METTL15: variants seen among roughly 807,000 people sequenced by gnomAD.
METTL15 encodes the protein 12S rRNA N(4)-cytidine methyltransferase METTL15.
Under a neutral mutation model 38.3 loss-of-function variants are expected in METTL15, and 34 were observed. That is an observed-to-expected ratio of 0.89 (90% confidence interval 0.68 to 1.18). The LOEUF is 1.18. Ranked by LOEUF, METTL15 falls within the 50% of genes most tolerant of loss-of-function variation. METTL15 has a pLI of 0.00. For synonymous variants in METTL15, 162 were observed against 170.9 expected (o/e 0.95, Z 0.41); for missense variants, 438 against 498.4 (o/e 0.88, Z 1.15).
chr11:28,234,082 A>G (rs568545314), intron 4 of METTL15, among the ~76,000 whole-genome samples: 9 of 151,298 alleles, frequency 5.9e-5, no homozygotes, highest in East Asian at 2.0e-4. Flanking sequence ...GCGATAGTTT[A>G]CTGAGAATGA....
intron 4 of METTL15, among the ~76,000 whole-genome samples, chr11:28,237,147 C>G (rs1854027906): frequency 6.6e-6 from 1 of 152,116 alleles, no homozygotes; most frequent in Admixed American, 6.5e-5. Flanking sequence ...GAATGTTGGC[C>G]TGCCTTGCTA....
chr11:28,380,377 C>G (rs1273420333), intron 5 of METTL15, among the ~76,000 whole-genome samples: 1 of 152,042 alleles, frequency 6.6e-6, no homozygotes, highest in East Asian at 1.9e-4. Context: ...ACCATGTTAG[C>G]AAAGATGGTC....
intron 5 of METTL15, among the ~76,000 whole-genome samples, chr11:28,412,942 T>A (rs991860168): frequency 6.6e-6 from 1 of 151,924 alleles, no homozygotes; most frequent in Non-Finnish European, 1.5e-5. Flanking sequence ...ATATATATAT[T>A]AATAGGCTTC....
intron 4 of METTL15, among the ~76,000 whole-genome samples, chr11:28,289,740 G>T (rs1565227261): frequency 6.6e-6 from 1 of 152,040 alleles, no homozygotes; most frequent in Non-Finnish European, 1.5e-5. Flanking sequence ...TAATTTATAG[G>T]AAAAACATGG....
At chr11:28,421,843 A>G (rs559069267) in intron 5 of METTL15, among the ~76,000 whole-genome samples, 42 of 152,070 alleles carry the variant, frequency 2.8e-4, no homozygotes, top group Admixed American at 3.9e-4. Flanking sequence ...AGCTAGATCA[A>G]TCAGACAAGA....
At chr11:28,124,507 A>G (rs1835120675) in intron 3 of METTL15, among the ~76,000 whole-genome samples, 1 of 152,108 alleles carries the variant, frequency 6.6e-6, no homozygotes. Context: ...TAATGACAGT[A>G]TCAGAAGATA....
rs113069188 is a variant in METTL15 at position 28,361,420 on chromosome 11, C to T, written c.*259-517C>T. Among the ~76,000 whole-genome samples, 1,519 of 152,228 alleles carry T rather than the reference C, an allele frequency of 1.0e-2. 16 individuals carry two copies. The highest frequency in any genetic ancestry group is 0.016 in the Non-Finnish European group (1,087 of 68,016). On this transcript the variant is annotated intron_variant and NMD_transcript_variant, in intron 4 of 7. Transcript: ENST00000532947. ...TTTCTCTGATGGCCTTAGAAAATAT[C>T]GCCAAACTGTCATTTCAGTTATTTG... is the stretch of plus-strand genomic sequence containing the variant.
chr11:28,487,394 C>T (rs920581945), intron 6 of METTL15, among the ~76,000 whole-genome samples: 1 of 151,896 alleles, frequency 6.6e-6, no homozygotes, highest in Non-Finnish European at 1.5e-5. Context: ...AATTGTTGAC[C>T]TAGAAAGATA....
intron 5 of METTL15, among the ~76,000 whole-genome samples, chr11:28,372,628 T>A (rs1035857774): frequency 1.3e-5 from 2 of 151,882 alleles, no homozygotes; most frequent in African/African-American, 4.8e-5. Flanking sequence ...TCCTTTTTTT[T>A]ATTATTATAC....
chr11:28,111,728 G>A (rs1393077456), intron 2 of METTL15, among the ~76,000 whole-genome samples: 4 of 152,184 alleles, frequency 2.6e-5, no homozygotes, highest in Non-Finnish European at 1.5e-5. Flanking sequence ...AATATTTCAA[G>A]AGTCGTGGTA....
chr11:28,359,386 G>A (rs1850116870), intron 4 of METTL15, among the ~76,000 whole-genome samples: 1 of 152,140 alleles, frequency 6.6e-6, no homozygotes, highest in Non-Finnish European at 1.5e-5. Context: ...GTGAACATAT[G>A]AGTGCATGTA....
intron 6 of METTL15, among the ~76,000 whole-genome samples, chr11:28,439,958 G>A (rs1851019968): frequency 6.6e-6 from 1 of 152,126 alleles, no homozygotes; most frequent in Non-Finnish European, 1.5e-5. Flanking sequence ...TGTCTTCAAG[G>A]CTGCTCCTAG....
intron 3 of METTL15, among the ~76,000 whole-genome samples, chr11:28,157,519 C>T (rs577311270): frequency 6.6e-6 from 1 of 152,286 alleles, no homozygotes; most frequent in South Asian, 2.1e-4. Flanking sequence ...GATAACTACT[C>T]CCCTTTTGAG....
intron 3 of METTL15, among the ~76,000 whole-genome samples, chr11:28,179,036 C>T (rs1273233614): frequency 1.3e-5 from 2 of 151,606 alleles, no homozygotes; most frequent in Admixed American, 6.6e-5. Flanking sequence ...TATTTTTACC[C>T]AATTTATGAT....
At chr11:28,125,269 T>G (rs1392470817) in intron 3 of METTL15, among the ~76,000 whole-genome samples, 1 of 152,136 alleles carries the variant, frequency 6.6e-6, no homozygotes, top group East Asian at 1.9e-4. Context: ...GAGTAGGTAT[T>G]AAAATTTCTT....
rs146895367 is a variant in METTL15 at position 28,356,128 on chromosome 11, A to G, written c.*258+3970A>G. 3.1e-3 allele frequency among the ~76,000 whole-genome samples: 474 copies of G among 152,256 alleles called. 5 individuals carry two copies. Among genetic ancestry groups the G allele is most frequent in the African/African-American group, 0.011 (437 of 41,556 alleles). ...CTCAGTTCAAATGTTACCCTCTCAA[A>G]GAGGTCTTCCCTGGCCTTCTACCTA... is the stretch of plus-strand genomic sequence containing the variant. On this transcript the variant is annotated intron_variant and NMD_transcript_variant, in intron 4 of 7. Coordinates refer to the METTL15 transcript ENST00000532947.
At chr11:28,378,298 A>C (rs1850342275) in intron 5 of METTL15, among the ~76,000 whole-genome samples, 1 of 152,216 alleles carries the variant, frequency 6.6e-6, no homozygotes, top group South Asian at 2.1e-4. Context: ...CTGTGCTAGC[A>C]ATCAGCGATA....
chr11:28,392,233 A>AT (rs1850517091), intron 5 of METTL15, among the ~76,000 whole-genome samples: 1 of 152,120 alleles, frequency 6.6e-6, no homozygotes, highest in African/African-American at 2.4e-5. Context: ...TTTCAAAGAA[A>AT]TAAAAAATTA....
At chr11:28,288,207 C>T (rs1338552263) in intron 4 of METTL15, among the ~76,000 whole-genome samples, 1 of 152,110 alleles carries the variant, frequency 6.6e-6, no homozygotes, top group East Asian at 1.9e-4. Context: ...TGCTTATACA[C>T]TGTAGTGGAA....
Sources: allele counts gnomAD v4.1 joint callset (sites outside exome capture counted in the v4.1 genomes callset), GRCh38; gene constraint gnomAD v4.1.1; transcripts MANE v1.5; gene names NCBI Gene and HGNC (gene_info 2026-07-23, HGNC 2026-07-21).